GPM6A: variants seen among roughly 807,000 people sequenced by gnomAD.
The protein encoded by GPM6A is neuronal membrane glycoprotein M6-a.
GPM6A carries 7 observed loss-of-function variants against 32.1 expected under a neutral mutation model. The observed-to-expected ratio is 0.22, with a 90% CI of 0.12 to 0.41. The LOEUF (loss-of-function observed/expected upper bound fraction) is 0.41. GPM6A is among the 10% of genes least tolerant of loss of function. The pLI is 1.00. For synonymous variants in GPM6A, 130 were observed against 123.4 expected (o/e 1.05, Z -0.35); for missense variants, 235 against 347.2 (o/e 0.68, Z 2.57).
Position 175,945,867 on chromosome 4 carries a change from A to G in GPM6A, c.-23+56442T>C, listed in dbSNP as rs180725632. ...TCAGTAATACGGGTGCATATTACGT[A>G]CAACTCAGTAATACGGGTGCATATT... On this transcript the variant is annotated intron_variant, in intron 1 of 7. Transcript: ENST00000280187. Among the ~76,000 whole-genome samples the G allele has an allele frequency of 9.4e-4, 143 of 152,194 alleles. 1 individual carries two copies. The highest frequency in any genetic ancestry group is 3.2e-3 in the African/African-American group (134 of 41,504).
intron 1 of GPM6A, among the ~76,000 whole-genome samples, chr4:175,851,027 C>G (rs1736236600): frequency 6.6e-6 from 1 of 151,950 alleles, no homozygotes; most frequent in Admixed American, 6.6e-5. Flanking sequence ...TCACTGCAGC[C>G]CATTCTCTCC....
intron 4 of GPM6A, among the ~76,000 whole-genome samples, chr4:175,646,712 T>C (rs903098586): frequency 5.9e-5 from 9 of 152,200 alleles, no homozygotes; most frequent in Non-Finnish European, 8.8e-5. Context: ...TCTTAAAACT[T>C]GAAATTTACA....
At chr4:175,975,946 A>G (rs1477748038) in intron 1 of GPM6A, among the ~76,000 whole-genome samples, 3 of 150,522 alleles carry the variant, frequency 2.0e-5, no homozygotes, top group African/African-American at 7.3e-5. Context: ...TTCCAAAACC[A>G]TAGTAATAGT....
chr4:175,741,156 A>G (rs538278069), intron 1 of GPM6A, among the ~76,000 whole-genome samples: 2 of 152,186 alleles, frequency 1.3e-5, no homozygotes, highest in South Asian at 4.1e-4. Flanking sequence ...ATTACCTTGT[A>G]AAAGCTGATA....
At chr4:175,898,081 A>G (rs1391068699) in intron 1 of GPM6A, among the ~76,000 whole-genome samples, 5 of 152,202 alleles carry the variant, frequency 3.3e-5, no homozygotes, top group Admixed American at 1.3e-4. Context: ...TTTGATAAAT[A>G]AAAGCTATCA....
intron 1 of GPM6A, among the ~76,000 whole-genome samples, chr4:175,884,824 G>A (rs117353042): frequency 0.058 from 8,785 of 152,126 alleles, 476 homozygotes; most frequent in East Asian, 0.28. Flanking sequence ...GTTAGCCACC[G>A]TGCCAGGCCA....
At chr4:176,002,271 C>A (rs764251475) in intron 1 of GPM6A, 9 of 1,594,632 alleles carry the variant, frequency 5.6e-6, no homozygotes, top group South Asian at 2.3e-5. Flanking sequence ...CGAGGCCGAG[C>A]CTTTGGGCGA....
intron 1 of GPM6A, among the ~76,000 whole-genome samples, chr4:175,992,594 C>G (rs900804429): frequency 1.3e-5 from 2 of 152,126 alleles, no homozygotes. Context: ...TCAATAATAG[C>G]TGAGTTTTTG....
chr4:175,958,008 T>G (rs1425325920), intron 1 of GPM6A, among the ~76,000 whole-genome samples: 2 of 152,208 alleles, frequency 1.3e-5, no homozygotes, highest in Non-Finnish European at 2.9e-5. Context: ...TTCTCCTGCC[T>G]CAGCCTCCCG....
At chr4:175,659,640 A>C (rs571362027) in intron 3 of GPM6A, among the ~76,000 whole-genome samples, 1 of 152,358 alleles carries the variant, frequency 6.6e-6, no homozygotes, top group South Asian at 2.1e-4. Flanking sequence ...AAAGGCAAGC[A>C]CACTCTTGAT....
intron 1 of GPM6A, among the ~76,000 whole-genome samples, chr4:175,946,904 C>A (rs1739627218): frequency 6.6e-6 from 1 of 152,112 alleles, no homozygotes; most frequent in African/African-American, 2.4e-5. Flanking sequence ...ACAACTTCTG[C>A]TCAACTTCCT....
At chr4:175,971,060 G>A (rs1428095393) in intron 1 of GPM6A, 3 of 281,658 alleles carry the variant, frequency 1.1e-5, no homozygotes, top group African/African-American at 6.9e-5. Flanking sequence ...CCCCAGAAAA[G>A]GTGCAATTCC....
rs58368311 is a variant in GPM6A at position 175,746,493 on chromosome 4, A to T, written c.38-44726T>A. On this transcript the variant is annotated intron_variant, in intron 1 of 6. Coordinates refer to ENST00000393658, the MANE Select transcript of GPM6A (RefSeq NM_201591.3). The stretch of plus-strand genomic sequence containing the variant: ...CCAGATTTAAAATCTAATTTTTTTT[A>T]AATTTAAAGATCAAAATCTGCAGCA... Among the ~76,000 whole-genome samples the T allele has an allele frequency of 6.0e-3, 907 of 152,218 alleles. 12 individuals are homozygous for T. Among genetic ancestry groups the T allele is most frequent in the Admixed American group, 0.039 (602 of 15,282 alleles).
At chr4:175,892,847 T>G (rs1177992959) in intron 1 of GPM6A, among the ~76,000 whole-genome samples, 2 of 152,224 alleles carry the variant, frequency 1.3e-5, no homozygotes, top group African/African-American at 2.4e-5. Context: ...TTGTTCTGAC[T>G]GATTTTCTTC....
chr4:175,915,517 G>C (rs1738464818), intron 1 of GPM6A, among the ~76,000 whole-genome samples: 1 of 152,052 alleles, frequency 6.6e-6, no homozygotes, highest in Non-Finnish European at 1.5e-5. Context: ...TCTTGGCCAA[G>C]CTGGTCTCGA....
At position 175,637,347 on chromosome 4, in the gene GPM6A, A is replaced by ATTAT. The variant is rs1291101025; in HGVS notation, c.685-2291_685-2290insATAA. Among the ~76,000 whole-genome samples, 12 of 45,592 alleles carry ATTAT rather than the reference A, an allele frequency of 2.6e-4. 1 individual carries two copies. The highest frequency in any genetic ancestry group is 1.2e-3 in the African/African-American group (12 of 9,982). The allele number at this position is 45,592 out of a possible 152,430, so 29.9% of individuals were successfully genotyped here. On this transcript the variant is annotated intron_variant, in intron 6 of 6. Coordinates refer to ENST00000393658, the MANE Select transcript of GPM6A (RefSeq NM_201591.3). Reference sequence around the variant, plus strand: ...ATATATTATATATTATATATTATATAAAAATATATAATATATAACATATAA... The same window carrying ATTAT: ...ATATATTATATATTATATATTATATATTATAAAATATATAATATATAACATATAA...
intron 1 of GPM6A, among the ~76,000 whole-genome samples, chr4:175,913,829 C>A (rs1738399439): frequency 6.6e-6 from 1 of 152,194 alleles, no homozygotes; most frequent in African/African-American, 2.4e-5. Flanking sequence ...CAACTTCCTT[C>A]ACCTGCTCTT....
At chr4:175,966,740 T>A (rs897284290) in intron 1 of GPM6A, among the ~76,000 whole-genome samples, 3 of 152,274 alleles carry the variant, frequency 2.0e-5, no homozygotes, top group Non-Finnish European at 4.4e-5. Context: ...GTTGTTTAAG[T>A]CATTCAGTCT....
intron 1 of GPM6A, among the ~76,000 whole-genome samples, chr4:175,841,380 C>T (rs775933308): frequency 2.3e-4 from 35 of 151,922 alleles, no homozygotes; most frequent in South Asian, 6.2e-4. Context: ...TTAATGTACG[C>T]GCCTGGAAAT....
Sources: gnomAD v4.1 joint callset for allele counts (sites outside exome capture counted in the v4.1 genomes callset) on GRCh38, gnomAD v4.1.1 for gene constraint, MANE v1.5 for transcripts, NCBI Gene and HGNC (gene_info 2026-07-23, HGNC 2026-07-21) for gene names.